The following MTMR7 variants were observed in gnomAD, a reference collection of about 807,000 sequenced individuals.
MTMR7 encodes myotubularin related protein 7.
A neutral mutation model predicts 81.2 loss-of-function variants in MTMR7; 76 were observed. The ratio of observed to expected loss-of-function variants is 0.94; its 90% CI spans 0.78 to 1.13. MTMR7 has a LOEUF of 1.13. Among genes scored for constraint, MTMR7 ranks in the 50% most tolerant of loss-of-function variants. MTMR7 has a pLI of 0.00. For missense variants in MTMR7, 1,044 were observed against 820.0 expected (o/e 1.27, Z -3.34); for synonymous variants, 372 against 289.8 (o/e 1.28, Z -2.88).
At chr8:17,400,976 T>G (rs1821410027) in intron 1 of MTMR7, among the ~76,000 whole-genome samples, 1 of 152,182 alleles carries the variant, frequency 6.6e-6, no homozygotes, top group South Asian at 2.1e-4. Context: ...CATGGAGGCT[T>G]GGGTGTACAG....
intron 8 of MTMR7, among the ~76,000 whole-genome samples, chr8:17,312,132 T>A (rs1443239206): frequency 6.6e-6 from 1 of 152,182 alleles, no homozygotes; most frequent in Non-Finnish European, 1.5e-5. Context: ...CCAGAAAATC[T>A]CCAGTAAGAA....
chr8:17,379,708 A>G lies in MTMR7; in HGVS notation c.25-6468T>C, dbSNP rs1410725857. 2.0e-5 allele frequency among the ~76,000 whole-genome samples: 3 copies of G among 152,222 alleles called. No homozygotes were observed. In the East Asian group the frequency reaches 5.8e-4, roughly 29 times the overall value. On this transcript the variant is annotated intron_variant, in intron 1 of 13. Coordinates refer to ENST00000180173, the MANE Select transcript of MTMR7 (RefSeq NM_004686.5). Reference sequence around the variant, plus strand: ...AGAGAAGAAAATCACCCCTAGGACCATAATCCAACACAAGCACTGTTAGTC... The same window carrying G: ...AGAGAAGAAAATCACCCCTAGGACCGTAATCCAACACAAGCACTGTTAGTC...
In MTMR7 at chr8:17,300,166, C is replaced by A; in HGVS notation, c.1679G>T (p.Ser560Ile). Residue 560 changes from serine (S) to isoleucine (I), a missense_variant, in exon 14 of 14, where the codon AGT becomes ATT. Ser to Ile is a moderately radical substitution (Grantham distance 142). Transcript: ENST00000180173. ...LNCTKVKSKQ[S>I]EPSKHSGFST... ...AAACCCTGAGTGCTTGCTGGGCTCA[C>A]TTTGCTTACTCTTCACCTTAGTGCA... 1 of 1,614,102 alleles carries A rather than the reference C, an allele frequency of 6.2e-7. No homozygotes were observed. Among genetic ancestry groups the A allele is most frequent in the Non-Finnish European group, 8.5e-7 (1 of 1,179,982 alleles).
At chr8:17,337,555 A>C (rs17124419) in intron 6 of MTMR7, among the ~76,000 whole-genome samples, 9,307 of 152,138 alleles carry the variant, frequency 0.061, 901 homozygotes, top group African/African-American at 0.2. Flanking sequence ...TGAAGAGTAT[A>C]ATTTTTTTTT....
At chr8:17,306,600 C>A (rs1347295136) in intron 10 of MTMR7, among the ~76,000 whole-genome samples, 2 of 152,100 alleles carry the variant, frequency 1.3e-5, no homozygotes, top group Non-Finnish European at 2.9e-5. Flanking sequence ...GCCCTTTACA[C>A]TACTGTGTGA....
In MTMR7 at chr8:17,297,089, A is replaced by G. The variant is rs1051469095; in HGVS notation, c.*2773T>C. ...TATTTTCTTCATAAAAATTGGTCAC[A>G]TCGGAGAAGCAGTGCCACAGGAAAA... On this transcript the variant is annotated 3_prime_UTR_variant, in exon 14 of 14. Coordinates refer to ENST00000180173, the MANE Select transcript of MTMR7 (RefSeq NM_004686.5). The G allele has an allele frequency of 2.0e-5, 3 of 152,196 alleles. No homozygotes were observed. The highest frequency in any genetic ancestry group is 4.4e-5 in the Non-Finnish European group (3 of 68,014). The allele number at this position is 152,196 out of a possible 1,614,324, so 9.4% of individuals were successfully genotyped here.
chr8:17,380,652 G>A (rs1820729659), intron 1 of MTMR7, among the ~76,000 whole-genome samples: 1 of 151,826 alleles, frequency 6.6e-6, no homozygotes, highest in African/African-American at 2.4e-5. Context: ...AATTCAAAGG[G>A]CAGGACACCC....
intron 10 of MTMR7, among the ~76,000 whole-genome samples, chr8:17,307,393 C>T (rs1395834108): frequency 6.6e-6 from 1 of 152,136 alleles, no homozygotes; most frequent in Admixed American, 6.5e-5. Context: ...ACAACAGGTG[C>T]TGGAGAGGAT....
intron 12 of MTMR7, among the ~76,000 whole-genome samples, chr8:17,303,861 C>T (rs774211054): frequency 1.0e-3 from 159 of 152,266 alleles, no homozygotes; most frequent in Middle Eastern, 3.4e-3. Flanking sequence ...CCACCCGCCT[C>T]GGCTAATACA....
chr8:17,326,567 G>C (rs957411723), intron 7 of MTMR7: 1 of 152,190 alleles, frequency 6.6e-6, no homozygotes, highest in Non-Finnish European at 1.5e-5. Context: ...ACGTGATACT[G>C]GAAAGGATGT....
Position 17,406,707 on chromosome 8 carries a change from G to C in MTMR7, c.24+6562C>G, listed in dbSNP as rs547223907. On this transcript the variant is annotated intron_variant, in intron 1 of 13. Coordinates refer to ENST00000180173, the MANE Select transcript of MTMR7 (RefSeq NM_004686.5). ...AAACTTATCACCGAAGTTTATAGCA[G>C]CATTATTCATAATTGCCAAAAAATC... Among the ~76,000 whole-genome samples, 72 of 152,264 alleles carry C rather than the reference G, an allele frequency of 4.7e-4. 1 individual carries two copies. In the South Asian group the frequency reaches 0.015, roughly 31 times the overall value.
chr8:17,299,931 A>C lies in MTMR7; in HGVS notation c.1914T>G (p.Gly638=), dbSNP rs1243461118. 1 of 1,614,148 alleles carries C rather than the reference A, an allele frequency of 6.2e-7. No individual in the cohort carries two copies. Among genetic ancestry groups the C allele is most frequent in the East Asian group, 2.2e-5 (1 of 44,870 alleles). The part of the protein sequence containing the change: ...EDLSCRSPSG[G]EHAPSEDSGK... ...CACTATCTTCACTCGGTGCATGCTC[A>C]CCACCACTTGGAGACCGACAGCTCA... The change falls in exon 14 of 14, where the codon GGT becomes GGG. Residue 638 remains glycine (G), a synonymous_variant. Coordinates refer to ENST00000180173, the MANE Select transcript of MTMR7 (RefSeq NM_004686.5).
intron 2 of MTMR7, among the ~76,000 whole-genome samples, chr8:17,372,781 C>G (rs35730469): frequency 0.14 from 21,108 of 151,944 alleles, 1,823 homozygotes; most frequent in East Asian, 0.39. Flanking sequence ...CAAATAGAGA[C>G]TATTGCAAAT....
At chr8:17,369,561 C>T (rs181777468) in intron 3 of MTMR7, among the ~76,000 whole-genome samples, 1 of 151,780 alleles carries the variant, frequency 6.6e-6, no homozygotes, top group East Asian at 1.9e-4. Context: ...TTCTGTGTAG[C>T]ACAACTTCTA....
rs7820449 is a variant in MTMR7 at position 17,404,809 on chromosome 8, G to A, written c.24+8460C>T. Among the ~76,000 whole-genome samples, 22 of 151,758 alleles carry A rather than the reference G, an allele frequency of 1.4e-4. 1 individual carries two copies. Among genetic ancestry groups the A allele is most frequent in the African/African-American group, 4.8e-4 (20 of 41,420 alleles). ...GGTTTTTTTGTTGGTGGTTGGTTTT[G>A]TTTTGTTGTTGTTTTGTTTTTGTTT... On this transcript the variant is annotated intron_variant, in intron 1 of 13. Coordinates refer to ENST00000180173, the MANE Select transcript of MTMR7 (RefSeq NM_004686.5).
intron 11 of MTMR7, among the ~76,000 whole-genome samples, chr8:17,305,253 T>C (rs1016767715): frequency 6.6e-6 from 1 of 152,238 alleles, no homozygotes; most frequent in African/African-American, 2.4e-5. Flanking sequence ...AAAAATGTTC[T>C]CTCATGTATA....
At chr8:17,381,572 G>C (rs1163516111) in intron 1 of MTMR7, among the ~76,000 whole-genome samples, 1 of 152,132 alleles carries the variant, frequency 6.6e-6, no homozygotes, top group Non-Finnish European at 1.5e-5. Context: ...GCAGGGCCGG[G>C]GTGCCAGTCA....
intron 7 of MTMR7, among the ~76,000 whole-genome samples, chr8:17,327,676 T>A (rs1235866359): frequency 6.6e-6 from 1 of 152,192 alleles, no homozygotes; most frequent in Non-Finnish European, 1.5e-5. Flanking sequence ...AAATATATTA[T>A]GTCTGTCTAA....
chr8:17,364,898 A>T (rs1216259106), intron 3 of MTMR7, among the ~76,000 whole-genome samples: 2 of 152,198 alleles, frequency 1.3e-5, no homozygotes, highest in African/African-American at 4.8e-5. Flanking sequence ...CGTTTCTTTA[A>T]CTTACCGATT....
Sources: allele counts gnomAD v4.1 joint callset (sites outside exome capture counted in the v4.1 genomes callset), GRCh38; gene constraint gnomAD v4.1.1; transcripts MANE v1.5; gene names NCBI Gene and HGNC (gene_info 2026-07-23, HGNC 2026-07-21).